The following CACNA1C variants were observed in gnomAD, a reference collection of about 807,000 sequenced individuals.
The protein encoded by CACNA1C is voltage-dependent L-type calcium channel subunit alpha-1C.
A neutral mutation model predicts 229.0 loss-of-function variants in CACNA1C; 30 were observed. That is an observed-to-expected ratio of 0.13 (90% CI 0.10 to 0.18). The LOEUF (loss-of-function observed/expected upper bound fraction) is 0.18. CACNA1C is among the 10% of genes least tolerant of loss of function. The probability of loss-of-function intolerance (pLI) is 1.00; values close to 1 mark genes in which losing one functional copy is unlikely to be tolerated. For missense variants in CACNA1C, 1,658 were observed against 2,845.0 expected (o/e 0.58, Z 9.49); for synonymous variants, 1,114 against 1,132.5 (o/e 0.98, Z 0.33).
intron 3 of CACNA1C, among the ~76,000 whole-genome samples, chr12:2,186,125 G>C (rs1038352825): frequency 3.9e-5 from 6 of 152,140 alleles, no homozygotes; most frequent in Non-Finnish European, 5.9e-5. Context: ...GCTTCTTTCA[G>C]TCCTCTCATC....
At chr12:2,004,751 T>C in intron 1 of CACNA1C, 1 of 353,408 alleles carries the variant, frequency 2.8e-6, no homozygotes, top group East Asian at 5.6e-5. Flanking sequence ...GATTTCCTTC[T>C]TGGATGTGTT....
intron 3 of CACNA1C, among the ~76,000 whole-genome samples, chr12:2,141,118 C>T (rs2094136436): frequency 6.6e-6 from 1 of 150,858 alleles, no homozygotes; most frequent in African/African-American, 2.4e-5. Flanking sequence ...GAGCAGGGCC[C>T]ACTGTGGCTG....
At position 2,135,998 on chromosome 12, in the gene CACNA1C, A is replaced by G. The variant is rs1187103284; in HGVS notation, c.477+15568A>G. Among the ~76,000 whole-genome samples the G allele has an allele frequency of 2.3e-4, 34 of 150,582 alleles. 1 individual carries two copies. The South Asian group carries it at 3.6e-3, about 16-fold the overall frequency. Reference sequence around the variant, plus strand: ...GGACCCTCCGAGCCAGGTGTGGGATATAGTCTCGTGGTGCGCCGTTTTTTA... The same window carrying G: ...GGACCCTCCGAGCCAGGTGTGGGATGTAGTCTCGTGGTGCGCCGTTTTTTA... On this transcript the variant is annotated intron_variant, in intron 3 of 46. Transcript: ENST00000399655.
chr12:2,417,548 G>A (rs1303259617), intron 3 of CACNA1C, among the ~76,000 whole-genome samples: 1 of 152,172 alleles, frequency 6.6e-6, no homozygotes, highest in Non-Finnish European at 1.5e-5. Context: ...CGGATCAAGG[G>A]GCCCTGTGCG....
intron 37 of CACNA1C, among the ~76,000 whole-genome samples, chr12:2,667,330 T>TTTCTCCCTCCTCTCCCCC (rs1569149707): frequency 6.6e-6 from 1 of 152,108 alleles, no homozygotes; most frequent in African/African-American, 2.4e-5. Flanking sequence ...CCGTGCTCCT[T>TTTCTCCCTCCTCTCCCCC]GTTGGGGCAA....
At chr12:2,460,867 C>A (rs1242661528) in intron 5 of CACNA1C, among the ~76,000 whole-genome samples, 4 of 152,198 alleles carry the variant, frequency 2.6e-5, no homozygotes, top group South Asian at 2.1e-4. Context: ...CAGCCTTCTG[C>A]CCTTTCTTGC....
At chr12:2,088,866 A>G (rs2068830048) in intron 1 of CACNA1C, among the ~76,000 whole-genome samples, 1 of 152,176 alleles carries the variant, frequency 6.6e-6, no homozygotes, top group African/African-American at 2.4e-5. Context: ...ATGTCACTGC[A>G]GCGTGGAGGG....
chr12:2,325,791 T>C (rs1368557177), intron 3 of CACNA1C, among the ~76,000 whole-genome samples: 1 of 152,252 alleles, frequency 6.6e-6, no homozygotes, highest in Non-Finnish European at 1.5e-5. Context: ...GGTGGTGTTC[T>C]GTACCTTTCG....
At chr12:2,435,885 T>C (rs1194030785) in intron 3 of CACNA1C, among the ~76,000 whole-genome samples, 1 of 152,152 alleles carries the variant, frequency 6.6e-6, no homozygotes. Flanking sequence ...CGTCGTGCCA[T>C]GTACCAACAT....
intron 30 of CACNA1C, among the ~76,000 whole-genome samples, chr12:2,648,131 C>G (rs1315220690): frequency 1.3e-5 from 2 of 152,198 alleles, no homozygotes; most frequent in South Asian, 2.1e-4. Context: ...GAGCTGAGAC[C>G]CTGTCTCTAA....
At chr12:2,389,166 G>A (rs137875494) in intron 3 of CACNA1C, among the ~76,000 whole-genome samples, 11 of 152,248 alleles carry the variant, frequency 7.2e-5, no homozygotes, top group African/African-American at 2.6e-4. Context: ...AGATGGTGTT[G>A]GGAATAGAGG....
chr12:2,357,685 A>C (rs986099679), intron 3 of CACNA1C, among the ~76,000 whole-genome samples: 6 of 143,834 alleles, frequency 4.2e-5, no homozygotes, highest in Admixed American at 1.4e-4. Flanking sequence ...AAAAAAAAGG[A>C]ATCGGCCAGG....
chr12:2,665,858 C>A lies in CACNA1C; in HGVS notation c.4526+150C>A. 1 of 774,198 alleles carries A rather than the reference C, an allele frequency of 1.3e-6. No homozygotes were observed. The highest frequency in any genetic ancestry group is 2.0e-6 in the Non-Finnish European group (1 of 511,344). 48.0% of individuals were successfully genotyped at this position (774,198 alleles called of 1,614,324 possible). A position where few individuals can be genotyped will look rare whatever the true frequency, so the allele number is the denominator to read the frequency against. On this transcript the variant is annotated intron_variant, in intron 36 of 46. Coordinates refer to ENST00000399655, the MANE Select transcript of CACNA1C (RefSeq NM_000719.7). This position sits in a 1 kb window ranked among gnomAD's most constrained non-coding sequence, Gnocchi z 5.9. ...CACCCTAGGGTGAAAGGTCAAGGGC[C>A]AGCAGGAGGAGGCCCGGCACCTTCA...
chr12:2,318,870 G>C (rs1348706970), intron 3 of CACNA1C, among the ~76,000 whole-genome samples: 1 of 151,568 alleles, frequency 6.6e-6, no homozygotes, highest in East Asian at 1.9e-4. Context: ...GGAGGGAGGT[G>C]GATGGGGAGG....
intron 3 of CACNA1C, among the ~76,000 whole-genome samples, chr12:2,297,491 G>A (rs1303397663): frequency 2.0e-5 from 3 of 152,190 alleles, no homozygotes; most frequent in Non-Finnish European, 4.4e-5. Context: ...GGAGAACATG[G>A]GCAGTGGCCC....
At chr12:1,991,085 C>T in intron 1 of CACNA1C, 1 of 455,186 alleles carries the variant, frequency 2.2e-6, no homozygotes, top group Non-Finnish European at 4.4e-6. Context: ...TATGGAAATT[C>T]ATTAGAAACA....
Position 2,417,932 on chromosome 12 carries a change from G to A in CACNA1C, c.478-31044G>A, listed in dbSNP as rs1392888610. Among the ~76,000 whole-genome samples, 3 of 152,156 alleles carry A rather than the reference G, an allele frequency of 2.0e-5. No homozygotes were observed. In the East Asian group the frequency reaches 5.8e-4, roughly 30 times the overall value. On this transcript the variant is annotated intron_variant, in intron 3 of 46. Coordinates refer to ENST00000399655, the MANE Select transcript of CACNA1C (RefSeq NM_000719.7). The stretch of plus-strand genomic sequence containing the variant: ...AGCTGCATATTCAGCAAATACCTGT[G>A]CGGGGCCTCCCAGGTACAGGTGCTG...
intron 1 of CACNA1C, among the ~76,000 whole-genome samples, chr12:2,105,658 T>TG (rs568579472): frequency 1.3e-3 from 88 of 70,290 alleles, no homozygotes; most frequent in African/African-American, 4.0e-3. Context: ...CCACCTCAGC[T>TG]GGGCATCCTG....
intron 1 of CACNA1C, among the ~76,000 whole-genome samples, chr12:2,064,947 A>G (rs551694700): frequency 2.0e-5 from 3 of 152,204 alleles, no homozygotes; most frequent in African/African-American, 2.4e-5. Flanking sequence ...GCACAGGCTC[A>G]TGGAGGTATG....
Sources: gnomAD v4.1 joint callset for allele counts (sites outside exome capture counted in the v4.1 genomes callset) on GRCh38, gnomAD v4.1.1 for gene constraint, Gnocchi (gnomAD v3.1) non-coding constraint, MANE v1.5 for transcripts, NCBI Gene and HGNC (gene_info 2026-07-23, HGNC 2026-07-21) for gene names.